The following GLIS3 variants were observed in gnomAD, a reference collection of about 807,000 sequenced individuals.
GLIS3 encodes the protein zinc finger protein GLIS3.
A neutral mutation model predicts 78.6 loss-of-function variants in GLIS3; 53 were observed. That is an observed-to-expected ratio of 0.67 (90% CI 0.54 to 0.85). GLIS3 has a LOEUF of 0.85. GLIS3 is among the 40% of genes least tolerant of loss of function. GLIS3 has a pLI of 0.00. For missense variants in GLIS3, 1,703 were observed against 1,231.1 expected, an observed-to-expected ratio of 1.38 and a Z score of -5.74; for synonymous variants, 684 against 509.9, an observed-to-expected ratio of 1.34 and a Z score of -4.60.
rs34789708 is a variant in GLIS3 at position 3,908,706 on chromosome 9, G to GTTTTTTTTTTTT, written c.1984-9883_1984-9872dup. ...GCACCATCAATTGTGATTTGTATTT[G>GTTTTTTTTTTTT]TTTTTTTTTTTTTTTTTTTTTTGTA... On this transcript the variant is annotated intron_variant, in intron 6 of 10. Coordinates refer to ENST00000381971, the MANE Select transcript of GLIS3 (RefSeq NM_001042413.2). Among the ~76,000 whole-genome samples the GTTTTTTTTTTTT allele has an allele frequency of 2.2e-3, 186 of 85,536 alleles. 7 individuals carry two copies. Among genetic ancestry groups the GTTTTTTTTTTTT allele is most frequent in the African/African-American group, 6.8e-3 (125 of 18,478 alleles). The allele number at this position is 85,536 out of a possible 152,430, so 56.1% of individuals were successfully genotyped here. A position where few individuals can be genotyped will look rare whatever the true frequency, so the allele number is the denominator to read the frequency against.
chr9:3,896,468 C>A (rs186720320), intron 7 of GLIS3, among the ~76,000 whole-genome samples: 3 of 151,706 alleles, frequency 2.0e-5, no homozygotes, highest in African/African-American at 4.8e-5. Flanking sequence ...AGTTTGAGAC[C>A]AGCCTGGCCA....
intron 2 of GLIS3, among the ~76,000 whole-genome samples, chr9:4,190,970 G>A (rs1313719238): frequency 6.6e-6 from 1 of 151,974 alleles, no homozygotes; most frequent in African/African-American, 2.4e-5. Context: ...ATACTTTACA[G>A]ACAAGCAAAT....
intron 9 of GLIS3, among the ~76,000 whole-genome samples, chr9:3,852,106 C>T (rs901484097): frequency 5.3e-5 from 8 of 149,962 alleles, no homozygotes; most frequent in Admixed American, 4.7e-4. Flanking sequence ...GAACGTGTCA[C>T]GGTACTCCCG....
chr9:4,048,552 G>A (rs1825445646), intron 4 of GLIS3, among the ~76,000 whole-genome samples: 2 of 152,138 alleles, frequency 1.3e-5, no homozygotes, highest in South Asian at 2.1e-4. Flanking sequence ...TCAACTGTGT[G>A]CTTATTTTTA....
chr9:4,036,992 G>A (rs547196932), intron 4 of GLIS3, among the ~76,000 whole-genome samples: 140 of 152,170 alleles, frequency 9.2e-4, no homozygotes, highest in Admixed American at 2.0e-3. Flanking sequence ...AAGAGAGCCA[G>A]AGCTGAAGAC....
At position 4,139,514 on chromosome 9, in the gene GLIS3, C is replaced by T. The variant is rs189404765; in HGVS notation, c.389-13573G>A. ...TTACTCAACAGACAGAAATATTACT[C>T]GTTCGCCCCCTCTGTCCATATTCCC... On this transcript the variant is annotated intron_variant, in intron 2 of 10. Transcript: ENST00000381971. 2.2e-4 allele frequency among the ~76,000 whole-genome samples: 33 copies of T among 152,282 alleles called. 1 individual carries two copies. The East Asian group carries it at 6.2e-3, about 28-fold the overall frequency.
At chr9:4,409,688 G>T in the GLIS3 span, among the ~76,000 whole-genome samples, 1 of 152,044 alleles carries the variant, frequency 6.6e-6, no homozygotes, top group Non-Finnish European at 1.5e-5. Context: ...TTTGGCTGGG[G>T]AATTATTAAA....
At chr9:4,260,486 G>T (rs989097981) in intron 2 of GLIS3, among the ~76,000 whole-genome samples, 3 of 150,990 alleles carry the variant, frequency 2.0e-5, no homozygotes, top group Non-Finnish European at 4.4e-5. Context: ...AGAATTGCTT[G>T]AACTCGGGGG....
At chr9:4,220,051 T>C (rs1159909506) in intron 2 of GLIS3, among the ~76,000 whole-genome samples, 1 of 152,096 alleles carries the variant, frequency 6.6e-6, no homozygotes, top group East Asian at 1.9e-4. Flanking sequence ...CAAAGAATAA[T>C]AAGGACATTT....
At chr9:4,222,022 G>A (rs1459387699) in intron 2 of GLIS3, among the ~76,000 whole-genome samples, 1 of 152,194 alleles carries the variant, frequency 6.6e-6, no homozygotes, top group Non-Finnish European at 1.5e-5. Flanking sequence ...AAGCTACTTT[G>A]GCTCTTGAGT....
At chr9:4,401,571 C>CTTTTCTTTCTT in the GLIS3 span, among the ~76,000 whole-genome samples, 169 of 120,684 alleles carry the variant, frequency 1.4e-3, 3 homozygotes, top group African/African-American at 5.0e-3. Flanking sequence ...TCCTTTCTTT[C>CTTTTCTTTCTT]TTTTTTTTTT....
chr9:4,152,890 A>C lies in GLIS3; in HGVS notation c.389-26949T>G, dbSNP rs906569698. ...AACATAGATATGTAAATGTTTCTGG[A>C]GGAGAAAGCAACATATAATAAGTAT... On this transcript the variant is annotated intron_variant, in intron 2 of 10. Coordinates refer to ENST00000381971, the MANE Select transcript of GLIS3 (RefSeq NM_001042413.2). Among the ~76,000 whole-genome samples, 4 of 152,218 alleles carry C rather than the reference A, an allele frequency of 2.6e-5. No individual in the cohort carries two copies. In the East Asian group the frequency reaches 7.7e-4, roughly 29 times the overall value.
intron 2 of GLIS3, among the ~76,000 whole-genome samples, chr9:4,169,588 T>C (rs1816190744): frequency 6.6e-6 from 1 of 152,244 alleles, no homozygotes; most frequent in Non-Finnish European, 1.5e-5. Context: ...ACAGTATTTA[T>C]CACTGTTAGT....
chr9:3,965,196 T>TTTC (rs1817848785), intron 4 of GLIS3, among the ~76,000 whole-genome samples: 1 of 133,262 alleles, frequency 7.5e-6, no homozygotes, highest in African/African-American at 2.8e-5. Context: ...TTCTTTTCTT[T>TTTC]TTTTTTTTTT....
chr9:4,122,378 A>G (rs1205247513), intron 3 of GLIS3, among the ~76,000 whole-genome samples: 1 of 152,234 alleles, frequency 6.6e-6, no homozygotes, highest in Non-Finnish European at 1.5e-5. Flanking sequence ...TACTGTATCT[A>G]AAGACAGGAT....
chr9:4,447,670 A>T, the GLIS3 span, among the ~76,000 whole-genome samples: 1 of 152,144 alleles, frequency 6.6e-6, no homozygotes, highest in African/African-American at 2.4e-5. Context: ...GCCTCCAGGT[A>T]CTGCTGATTT....
chr9:4,471,193 T>C, the GLIS3 span, among the ~76,000 whole-genome samples: 188 of 152,364 alleles, frequency 1.2e-3, 4 homozygotes, highest in South Asian at 0.036. Context: ...AAGTCATTTA[T>C]AGATTCAATG....
chr9:4,315,364 G>T (rs536591134), intron 2 of GLIS3, among the ~76,000 whole-genome samples: 2 of 152,180 alleles, frequency 1.3e-5, no homozygotes, highest in South Asian at 2.1e-4. Context: ...GGTCCTTATT[G>T]TTAGTATTTC....
chr9:3,900,325 C>T (rs1403558033), intron 6 of GLIS3, among the ~76,000 whole-genome samples: 1 of 151,642 alleles, frequency 6.6e-6, no homozygotes, highest in Non-Finnish European at 1.5e-5. Flanking sequence ...AATGAAGGTA[C>T]AGTGAGAGAG....
Sources: gnomAD v4.1 joint callset for allele counts (sites outside exome capture counted in the v4.1 genomes callset) on GRCh38, gnomAD v4.1.1 for gene constraint, MANE v1.5 for transcripts, NCBI Gene and HGNC (gene_info 2026-07-23, HGNC 2026-07-21) for gene names.